Variants in PLCB1 observed in about 807,000 individuals in gnomAD.
PLCB1 encodes 1-phosphatidylinositol 4,5-bisphosphate phosphodiesterase beta-1.
In PLCB1, 46 loss-of-function variants were observed where a neutral mutation model predicts 161.8. The ratio of observed to expected loss-of-function variants is 0.28; its 90% confidence interval spans 0.22 to 0.36. The LOEUF is 0.36. Ranked by LOEUF, PLCB1 falls within the 10% of genes least tolerant of loss-of-function variation. The pLI, the probability that PLCB1 is intolerant of heterozygous loss-of-function variation, is 1.00. For missense variants in PLCB1, 1,016 were observed against 1,472.5 expected (o/e 0.69, Z 5.07); for synonymous variants, 517 against 503.7 (o/e 1.03, Z -0.35).
intron 10 of PLCB1, among the ~76,000 whole-genome samples, chr20:8,695,420 G>T (rs1401521586): frequency 6.6e-6 from 1 of 152,168 alleles, no homozygotes; most frequent in Admixed American, 6.5e-5. Flanking sequence ...AATGATGGTA[G>T]GCCAAATGTG....
At chr20:8,312,497 A>C (rs1046726170) in intron 2 of PLCB1, among the ~76,000 whole-genome samples, 1 of 151,998 alleles carries the variant, frequency 6.6e-6, no homozygotes, top group African/African-American at 2.4e-5. Flanking sequence ...TTACACCTGG[A>C]TATTTGGGTA....
chr20:8,545,630 T>G (rs1985509605), intron 3 of PLCB1, among the ~76,000 whole-genome samples: 1 of 152,172 alleles, frequency 6.6e-6, no homozygotes, highest in East Asian at 1.9e-4. Flanking sequence ...AAAAATTGGC[T>G]GGACCTTAAA....
chr20:8,214,667 C>T (rs1396117346), intron 2 of PLCB1, among the ~76,000 whole-genome samples: 1 of 152,126 alleles, frequency 6.6e-6, no homozygotes, highest in Non-Finnish European at 1.5e-5. Context: ...CTTGCTTTTC[C>T]TCCATTTAGA....
At chr20:8,372,892 A>T (rs1015733402) in intron 3 of PLCB1, among the ~76,000 whole-genome samples, 8 of 152,226 alleles carry the variant, frequency 5.3e-5, no homozygotes, top group Non-Finnish European at 2.9e-5. Context: ...CCGACACTGC[A>T]TCAGAGCCCT....
At chr20:8,458,096 G>A (rs930863245) in intron 3 of PLCB1, among the ~76,000 whole-genome samples, 11 of 152,154 alleles carry the variant, frequency 7.2e-5, no homozygotes, top group Non-Finnish European at 1.5e-5. Context: ...CTAACTAGAT[G>A]TGAACATCTG....
intron 2 of PLCB1, among the ~76,000 whole-genome samples, chr20:8,320,098 C>T (rs1984842434): frequency 6.6e-6 from 1 of 151,980 alleles, no homozygotes; most frequent in Admixed American, 6.6e-5. Flanking sequence ...TTTTGGCTGC[C>T]TAGATATCCC....
intron 27 of PLCB1, among the ~76,000 whole-genome samples, chr20:8,783,567 T>C (rs1983339368): frequency 6.6e-6 from 1 of 152,216 alleles, no homozygotes; most frequent in African/African-American, 2.4e-5. Context: ...TATTTTATCC[T>C]TATTCTTTTG....
At chr20:8,325,089 A>T (rs1985095834) in intron 2 of PLCB1, among the ~76,000 whole-genome samples, 1 of 152,214 alleles carries the variant, frequency 6.6e-6, no homozygotes, top group Non-Finnish European at 1.5e-5. Flanking sequence ...TATTCGCAGG[A>T]GTAGGAATAA....
At chr20:8,558,439 G>T (rs548881828) in intron 3 of PLCB1, among the ~76,000 whole-genome samples, 5 of 151,916 alleles carry the variant, frequency 3.3e-5, no homozygotes, top group Non-Finnish European at 7.4e-5. Context: ...GAACCCAAGA[G>T]ACCTGTGAGA....
intron 3 of PLCB1, among the ~76,000 whole-genome samples, chr20:8,481,475 G>A (rs1966471779): frequency 1.3e-5 from 2 of 152,174 alleles, no homozygotes; most frequent in Admixed American, 1.3e-4. Context: ...GCTCTGCAGA[G>A]TATTAGGAAT....
chr20:8,156,511 T>G (rs1438262772), intron 2 of PLCB1, among the ~76,000 whole-genome samples: 1 of 152,210 alleles, frequency 6.6e-6, no homozygotes, highest in Non-Finnish European at 1.5e-5. Flanking sequence ...TGCCCCCAAA[T>G]GAAGGGTTTT....
intron 10 of PLCB1, among the ~76,000 whole-genome samples, chr20:8,688,231 T>C (rs1176228211): frequency 6.6e-6 from 1 of 152,234 alleles, no homozygotes; most frequent in Non-Finnish European, 1.5e-5. Context: ...AGATTCTGGA[T>C]ATTAGTCCTT....
chr20:8,582,597 T>TAATA (rs149775624), intron 3 of PLCB1, among the ~76,000 whole-genome samples: 5,747 of 152,262 alleles, frequency 0.038, 175 homozygotes, highest in African/African-American at 0.091. Flanking sequence ...TTCATATTAA[T>TAATA]AATAGCCAAA....
intron 9 of PLCB1, among the ~76,000 whole-genome samples, chr20:8,672,975 G>T (rs904571631): frequency 6.6e-6 from 1 of 151,980 alleles, no homozygotes; most frequent in Non-Finnish European, 1.5e-5. Context: ...AGCCTAGCAT[G>T]GTGATGCGCG....
In PLCB1 at chr20:8,184,769, TTTATTA is replaced by T. The variant is rs57793768; in HGVS notation, c.177+34433_177+34438del. On this transcript the variant is annotated intron_variant, in intron 2 of 31. Transcript: ENST00000338037. ...AACATTTCGAAAGTTTGGCAATACC[TTTATTA>T]TTATTATTATTATTATTATTATTAT... 8.4e-3 allele frequency among the ~76,000 whole-genome samples: 1,188 copies of T among 141,914 alleles called. 13 individuals are homozygous for T. The highest frequency in any genetic ancestry group is 0.021 in the African/African-American group (839 of 39,068). The allele number at this position is 141,914 out of a possible 152,430, so 93.1% of individuals were successfully genotyped here. A position where few individuals can be genotyped will look rare whatever the true frequency, so the allele number is the denominator to read the frequency against.
chr20:8,835,906 T>C (rs1986262676), intron 31 of PLCB1, among the ~76,000 whole-genome samples: 1 of 129,220 alleles, frequency 7.7e-6, no homozygotes, highest in Non-Finnish European at 1.8e-5. Context: ...TGCTCACAAG[T>C]CTATGGGTCA....
At chr20:8,733,161 AACTTT>A (rs1229091725) in intron 18 of PLCB1, 72 bp from the exon 19 acceptor site, 17 of 1,430,436 alleles carry the variant, frequency 1.2e-5, no homozygotes, top group Non-Finnish European at 1.5e-5. Context: ...GACTGGGATC[AACTTT>A]ACTTTACAAT....
At chr20:8,701,844 A>G (rs1219017068) in intron 11 of PLCB1, among the ~76,000 whole-genome samples, 2 of 152,172 alleles carry the variant, frequency 1.3e-5, no homozygotes, top group African/African-American at 4.8e-5. Context: ...GTCTTTCTCC[A>G]TCCTACACAT....
At chr20:8,674,043 A>T (rs146019508) in intron 9 of PLCB1, among the ~76,000 whole-genome samples, 1 of 152,142 alleles carries the variant, frequency 6.6e-6, no homozygotes, top group Non-Finnish European at 1.5e-5. Context: ...TAAATACTCC[A>T]GCTCCCTCCC....
Sources: allele counts gnomAD v4.1 joint callset (sites outside exome capture counted in the v4.1 genomes callset), GRCh38; gene constraint gnomAD v4.1.1; transcripts MANE v1.5; gene names NCBI Gene and HGNC (gene_info 2026-07-23, HGNC 2026-07-21).